Variants in EYS observed in about 807,000 individuals in gnomAD.
EYS encodes the protein protein eyes shut homolog.
EYS carries 250 observed loss-of-function variants against 282.1 expected under a neutral mutation model. That is an observed-to-expected ratio of 0.89 (90% CI 0.80 to 0.98). The LOEUF (loss-of-function observed/expected upper bound fraction) is 0.98. Among genes scored for constraint, EYS ranks in the 50% least tolerant of loss-of-function variants. EYS has a pLI of 0.00. For missense variants in EYS, 4,016 were observed against 3,709.0 expected (o/e 1.08, Z -2.15); for synonymous variants, 1,355 against 1,282.9 (o/e 1.06, Z -1.20).
At chr6:65,467,966 T>C (rs1333930604) in intron 5 of EYS, among the ~76,000 whole-genome samples, 1 of 152,172 alleles carries the variant, frequency 6.6e-6, no homozygotes, top group Non-Finnish European at 1.5e-5. Flanking sequence ...ACATTACTTT[T>C]GAAAATAAAG....
At chr6:65,142,711 G>A (rs910557453) in intron 12 of EYS, among the ~76,000 whole-genome samples, 1 of 151,602 alleles carries the variant, frequency 6.6e-6, no homozygotes, top group Non-Finnish European at 1.5e-5. Context: ...AGACATAGCT[G>A]AAGGTCCTAC....
intron 11 of EYS, chr6:65,329,596 A>G (rs1460155604): frequency 1.0e-6 from 1 of 980,698 alleles, no homozygotes; most frequent in Non-Finnish European, 1.2e-6. Context: ...GTAAAAATAT[A>G]CCCACATAAA....
intron 5 of EYS, among the ~76,000 whole-genome samples, chr6:65,456,564 A>G (rs1764626397): frequency 1.3e-5 from 2 of 152,112 alleles, no homozygotes; most frequent in African/African-American, 4.8e-5. Flanking sequence ...AACATTCACT[A>G]TGATCAAGTG....
At chr6:65,489,261 G>T (rs1765932125) in intron 5 of EYS, 1 of 152,106 alleles carries the variant, frequency 6.6e-6, no homozygotes, top group African/African-American at 2.4e-5. Flanking sequence ...AATCTACAAA[G>T]AACTTACAAA....
intron 30 of EYS, among the ~76,000 whole-genome samples, chr6:64,272,854 CATTT>C (rs1767988168): frequency 6.6e-6 from 1 of 151,976 alleles, no homozygotes; most frequent in Admixed American, 6.6e-5. Flanking sequence ...TTTTTATACT[CATTT>C]ATAGGTATCT....
intron 40 of EYS, among the ~76,000 whole-genome samples, chr6:63,772,447 T>A (rs778357743): frequency 1.3e-5 from 2 of 152,138 alleles, no homozygotes; most frequent in Non-Finnish European, 2.9e-5. Context: ...TTTATATATA[T>A]CTATGTGTTA....
intron 12 of EYS, among the ~76,000 whole-genome samples, chr6:65,202,105 C>G (rs991937193): frequency 6.6e-6 from 1 of 151,054 alleles, no homozygotes; most frequent in African/African-American, 2.4e-5. Context: ...GAGCGAGACT[C>G]CATCTAAAAA....
intron 31 of EYS, among the ~76,000 whole-genome samples, chr6:64,184,149 A>G (rs1333130140): frequency 6.6e-6 from 1 of 151,974 alleles, no homozygotes; most frequent in African/African-American, 2.4e-5. Flanking sequence ...AATTATCACC[A>G]TTGGGTCGTT....
intron 12 of EYS, among the ~76,000 whole-genome samples, chr6:65,212,706 A>G (rs922594309): frequency 6.6e-6 from 1 of 152,170 alleles, no homozygotes; most frequent in Non-Finnish European, 1.5e-5. Context: ...AATTATTTTT[A>G]GAAAATAAGG....
chr6:65,297,395 T>C (rs1357843813), intron 11 of EYS, among the ~76,000 whole-genome samples: 2 of 151,840 alleles, frequency 1.3e-5, no homozygotes, highest in East Asian at 1.9e-4. Context: ...CGGTAAGCGT[T>C]TGGAGCCAGC....
In EYS at chr6:64,449,828, A is replaced by G. The variant is rs938804189; in HGVS notation, c.5645-10476T>C. Among the ~76,000 whole-genome samples the G allele has an allele frequency of 2.6e-5, 4 of 152,268 alleles. No homozygotes were observed. In the South Asian group the frequency reaches 6.2e-4, roughly 24 times the overall value. On this transcript the variant is annotated intron_variant, in intron 26 of 42. Transcript: ENST00000503581. The stretch of plus-strand genomic sequence containing the variant: ...TGCTGAGGGATTTTGTCACCACCAG[A>G]CCTGCCCTAAAAGAGCTCCTGAAGG...
At chr6:64,411,955 A>C (rs182238960) in intron 28 of EYS, among the ~76,000 whole-genome samples, 1 of 151,476 alleles carries the variant, frequency 6.6e-6, no homozygotes, top group East Asian at 1.9e-4. Flanking sequence ...ATGCATGCAT[A>C]TATGTATATA....
chr6:65,115,464 G>C (rs1247982387), intron 12 of EYS, among the ~76,000 whole-genome samples: 2 of 151,688 alleles, frequency 1.3e-5, no homozygotes, highest in African/African-American at 2.4e-5. Flanking sequence ...ACTATATTCT[G>C]TGTCTCGGAT....
intron 22 of EYS, among the ~76,000 whole-genome samples, chr6:64,749,522 C>A (rs1772672599): frequency 6.6e-6 from 1 of 152,112 alleles, no homozygotes; most frequent in Non-Finnish European, 1.5e-5. Flanking sequence ...AAGTATAGGT[C>A]ACATACTTGG....
At chr6:64,541,992 A>G (rs536977898) in intron 26 of EYS, among the ~76,000 whole-genome samples, 79 of 152,282 alleles carry the variant, frequency 5.2e-4, no homozygotes, top group African/African-American at 1.9e-3. Flanking sequence ...ATTTAGTCAC[A>G]CACCATTTTA....
chr6:64,811,559 G>T (rs922333299), intron 22 of EYS, among the ~76,000 whole-genome samples: 1 of 152,082 alleles, frequency 6.6e-6, no homozygotes, highest in Non-Finnish European at 1.5e-5. Context: ...TTGGGAGGTG[G>T]TGCCTGTACA....
intron 12 of EYS, among the ~76,000 whole-genome samples, chr6:65,203,344 C>A (rs920978849): frequency 6.6e-6 from 1 of 152,114 alleles, no homozygotes; most frequent in Non-Finnish European, 1.5e-5. Context: ...AGATATGCAA[C>A]CCAAGCCCTG....
At chr6:65,028,651 A>G (rs1240739824) in intron 13 of EYS, among the ~76,000 whole-genome samples, 3 of 152,112 alleles carry the variant, frequency 2.0e-5, no homozygotes, top group Non-Finnish European at 4.4e-5. Context: ...GAAGTACAAC[A>G]GAAGTGATAT....
At chr6:64,148,837 C>T (rs1313811784) in intron 31 of EYS, among the ~76,000 whole-genome samples, 1 of 151,972 alleles carries the variant, frequency 6.6e-6, no homozygotes, top group East Asian at 1.9e-4. Flanking sequence ...AACCATAGAA[C>T]TGAGAAATGT....
Sources: gnomAD v4.1 joint callset for allele counts (sites outside exome capture counted in the v4.1 genomes callset) on GRCh38, gnomAD v4.1.1 for gene constraint, MANE v1.5 for transcripts, NCBI Gene and HGNC (gene_info 2026-07-23, HGNC 2026-07-21) for gene names.